KIAA0513: variants seen among roughly 807,000 people sequenced by gnomAD.
The protein encoded by KIAA0513 is KIAA0513.
Under a neutral mutation model 56.5 loss-of-function variants are expected in KIAA0513, and 39 were observed. The observed-to-expected ratio is 0.69, with a 90% CI of 0.53 to 0.90. The LOEUF (loss-of-function observed/expected upper bound fraction) is 0.90. Ranked by LOEUF, KIAA0513 falls within the 40% of genes least tolerant of loss-of-function variation. The pLI is 0.00. For synonymous variants in KIAA0513, 268 were observed against 215.6 expected, an observed-to-expected ratio of 1.24 and a Z score of -2.13; for missense variants, 591 against 535.2, an observed-to-expected ratio of 1.10 and a Z score of -1.03.
At position 85,089,641 on chromosome 16, in the gene KIAA0513, CCCT is replaced by C. The variant is rs1201259092; in HGVS notation, c.*1323_*1325del. ...CTGCGAAATAGGCCCGCGGGGCTCT[CCCT>C]CCTCCTGCCATCCTCCCCTCCCGCC... On this transcript the variant is annotated 3_prime_UTR_variant, in exon 13 of 13. Coordinates refer to ENST00000683363, the MANE Select transcript of KIAA0513 (RefSeq NM_001388359.1). This position sits in a 1 kb window ranked among gnomAD's most constrained non-coding sequence, Gnocchi z 4.2. 1 of 152,584 alleles carries C rather than the reference CCCT, an allele frequency of 6.6e-6. No homozygotes were observed. Among genetic ancestry groups the C allele is most frequent in the Non-Finnish European group, 1.5e-5 (1 of 68,274 alleles). 9.5% of individuals were successfully genotyped at this position (152,584 alleles called of 1,614,324 possible). A position where few individuals can be genotyped will look rare whatever the true frequency, so the allele number is the denominator to read the frequency against.
Position 85,072,979 on chromosome 16 carries a change from T to C in KIAA0513, c.484T>C (p.Phe162Leu). The C allele has an allele frequency of 6.2e-7, 1 of 1,614,132 alleles. No individual in the cohort carries two copies. The highest frequency in any genetic ancestry group is 8.5e-7 in the Non-Finnish European group (1 of 1,179,984). The change falls in exon 4 of 13, where the codon TTT becomes CTT. Residue 162 changes from phenylalanine (F) to leucine (L), a missense_variant. Phe to Leu is a conservative substitution (Grantham distance 22). Coordinates refer to ENST00000683363, the MANE Select transcript of KIAA0513 (RefSeq NM_001388359.1). The stretch of plus-strand genomic sequence containing the variant: ...AACCTTCTACCGCCTGGTGCAGTCT[T>C]TTGCAGTGGTGCTGTTCGAGTAAGT... ...EATFYRLVQSFAVVLFECHQM... is the reference protein window; with the variant it reads ...EATFYRLVQSLAVVLFECHQM...
intron 1 of KIAA0513, among the ~76,000 whole-genome samples, chr16:85,053,640 A>C (rs2073285838): frequency 6.6e-6 from 1 of 152,208 alleles, no homozygotes; most frequent in Non-Finnish European, 1.5e-5. Context: ...AAGAAAGATT[A>C]CTTGAGCCCA....
intron 1 of KIAA0513, among the ~76,000 whole-genome samples, chr16:85,059,553 A>T (rs1410959140): frequency 6.6e-6 from 1 of 152,190 alleles, no homozygotes; most frequent in Non-Finnish European, 1.5e-5. Flanking sequence ...GTCTGCCTGG[A>T]GGTGGTCCCC....
At chr16:85,080,339 G>T (rs777464514) in intron 8 of KIAA0513, among the ~76,000 whole-genome samples, 7 of 152,188 alleles carry the variant, frequency 4.6e-5, no homozygotes, top group Middle Eastern at 3.2e-3. Flanking sequence ...GATGGTCTCT[G>T]CTGCAGCCAC....
chr16:85,028,415 C>T (rs1469149992), intron 1 of KIAA0513, among the ~76,000 whole-genome samples: 2 of 152,138 alleles, frequency 1.3e-5, no homozygotes, highest in African/African-American at 4.8e-5. Context: ...GGCTTCCTGG[C>T]CTGGGTGGCC....
chr16:85,034,264 C>G lies in KIAA0513; in HGVS notation c.-173+6406C>G, dbSNP rs1189650880. On this transcript the variant is annotated intron_variant, in intron 1 of 12. Coordinates refer to ENST00000683363, the MANE Select transcript of KIAA0513 (RefSeq NM_001388359.1). Reference sequence around the variant, plus strand: ...GCATGGTTGTGGGTGCCTCTAAGCCCAACTACTAAGGAGGCTGAGGCAGGA... The same window carrying G: ...GCATGGTTGTGGGTGCCTCTAAGCCGAACTACTAAGGAGGCTGAGGCAGGA... Among the ~76,000 whole-genome samples the G allele has an allele frequency of 2.0e-5, 3 of 152,098 alleles. No individual in the cohort carries two copies. In the East Asian group the frequency reaches 5.8e-4, roughly 29 times the overall value.
intron 1 of KIAA0513, among the ~76,000 whole-genome samples, chr16:85,038,232 G>A (rs2073060334): frequency 6.6e-6 from 1 of 152,170 alleles, no homozygotes; most frequent in African/African-American, 2.4e-5. Context: ...TCTTCCCTGG[G>A]CTGGGCCCCA....
At chr16:85,057,203 G>A (rs552883110) in intron 1 of KIAA0513, among the ~76,000 whole-genome samples, 5 of 152,314 alleles carry the variant, frequency 3.3e-5, no homozygotes, top group South Asian at 2.1e-4. Context: ...GAATTGTGGC[G>A]TGTACACTTT....
chr16:85,076,670 C>T lies in KIAA0513; in HGVS notation c.575-755C>T, dbSNP rs1190972608. Among the ~76,000 whole-genome samples, 2 of 152,184 alleles carry T rather than the reference C, an allele frequency of 1.3e-5. No individual in the cohort carries two copies. Among genetic ancestry groups the T allele is most frequent in the Non-Finnish European group, 1.5e-5 (1 of 68,034 alleles). ...CCACAGCCATCCTCTCCGCACCCCT[C>T]AGTTCAGTTGGTCCAACTGCCATGG... On this transcript the variant is annotated intron_variant, in intron 5 of 12. Transcript: ENST00000683363. The surrounding 1 kb of genome is among the most constrained non-coding windows in gnomAD (Gnocchi z 4.7).
At chr16:85,072,841 C>G in intron 3 of KIAA0513, 84 bp from the exon 4 acceptor site, 1 of 1,329,084 alleles carries the variant, frequency 7.5e-7, no homozygotes, top group East Asian at 2.3e-5. Flanking sequence ...TTTGGAAACA[C>G]TGAGAGTGCA....
Position 85,067,260 on chromosome 16 carries a change from C to T in KIAA0513, c.189C>T (p.His63=), listed in dbSNP as rs199549190. The part of the protein sequence containing the change: ...SENDMGESPS[H]PSWDQDRRSS... ...ATGACATGGGCGAGTCGCCCTCGCA[C>T]CCGTCCTGGGACCAAGACCGCCGTT... Residue 63 remains histidine, a synonymous_variant, in exon 2 of 13, where the codon CAC becomes CAT. Transcript: ENST00000683363. 51 of 1,613,978 alleles carry T rather than the reference C, an allele frequency of 3.2e-5. No homozygotes were observed. Among genetic ancestry groups the T allele is most frequent in the Middle Eastern group, 3.3e-4 (2 of 6,084 alleles).
chr16:85,054,353 A>C (rs1327392076), intron 1 of KIAA0513, among the ~76,000 whole-genome samples: 6 of 152,122 alleles, frequency 3.9e-5, no homozygotes, highest in African/African-American at 1.4e-4. Context: ...TTCACATTCA[A>C]AGACCCATAT....
At chr16:85,028,686 A>C (rs552027578) in intron 1 of KIAA0513, among the ~76,000 whole-genome samples, 1 of 151,904 alleles carries the variant, frequency 6.6e-6, no homozygotes, top group African/African-American at 2.4e-5. Context: ...GGGAAGATGA[A>C]AAGGGGAAGA....
At chr16:85,043,765 GC>G (rs2073134657) in intron 1 of KIAA0513, among the ~76,000 whole-genome samples, 1 of 152,090 alleles carries the variant, frequency 6.6e-6, no homozygotes, top group African/African-American at 2.4e-5. Context: ...GGACGCGGTG[GC>G]CCACGCCTGT....
chr16:85,066,463 G>T (rs550462773), intron 1 of KIAA0513, among the ~76,000 whole-genome samples: 14 of 152,338 alleles, frequency 9.2e-5, no homozygotes, highest in African/African-American at 3.4e-4. Flanking sequence ...GCCCAGGAAG[G>T]AGGAGGTCAG....
intron 1 of KIAA0513, among the ~76,000 whole-genome samples, chr16:85,056,596 C>G (rs149550896): frequency 6.6e-5 from 10 of 152,312 alleles, no homozygotes; most frequent in African/African-American, 2.4e-4. Flanking sequence ...AATCTCCTTG[C>G]CATTGGGTGT....
intron 1 of KIAA0513, among the ~76,000 whole-genome samples, chr16:85,062,725 T>C (rs548334499): frequency 1.3e-5 from 2 of 152,322 alleles, no homozygotes; most frequent in Non-Finnish European, 2.9e-5. Flanking sequence ...TAGAAACCTG[T>C]AGAAGCTCTG....
At chr16:85,043,925 G>A (rs552372456) in intron 1 of KIAA0513, among the ~76,000 whole-genome samples, 7 of 152,266 alleles carry the variant, frequency 4.6e-5, no homozygotes, top group African/African-American at 9.6e-5. Flanking sequence ...CCAGCTACTC[G>A]GGAAGCTAAG....
At chr16:85,082,726 C>T (rs570404310) in intron 10 of KIAA0513, 133 bp downstream of exon 10, 13 of 937,450 alleles carry the variant, frequency 1.4e-5, no homozygotes, top group African/African-American at 6.7e-5. Flanking sequence ...GCCTGGTGGC[C>T]GGCGGGGAGG....
Sources: gnomAD v4.1 joint callset for allele counts (sites outside exome capture counted in the v4.1 genomes callset) on GRCh38, gnomAD v4.1.1 for gene constraint, Gnocchi (gnomAD v3.1) non-coding constraint, MANE v1.5 for transcripts, NCBI Gene and HGNC (gene_info 2026-07-23, HGNC 2026-07-21) for gene names.